The following EPHB1 variants were observed in gnomAD, a reference collection of about 807,000 sequenced individuals.
The protein encoded by EPHB1 is ephrin type-B receptor 1.
In EPHB1, 30 loss-of-function variants were observed where a neutral mutation model predicts 94.4. The ratio of observed to expected loss-of-function variants is 0.32; its 90% CI spans 0.24 to 0.43. The LOEUF (loss-of-function observed/expected upper bound fraction) is 0.43. Ranked by LOEUF, EPHB1 falls within the 20% of genes least tolerant of loss-of-function variation. EPHB1 has a pLI of 1.00. For missense variants in EPHB1, 1,055 were observed against 1,308.3 expected (o/e 0.81, Z 2.99); for synonymous variants, 522 against 489.1 (o/e 1.07, Z -0.89).
At chr3:134,906,517 A>T (rs2038333712) in intron 1 of EPHB1, among the ~76,000 whole-genome samples, 2 of 152,204 alleles carry the variant, frequency 1.3e-5, no homozygotes, top group South Asian at 4.1e-4. Flanking sequence ...AATATCACTG[A>T]TCAAATTCTT....
chr3:135,177,971 A>G (rs576810903), intron 9 of EPHB1, among the ~76,000 whole-genome samples: 11 of 152,262 alleles, frequency 7.2e-5, no homozygotes, highest in African/African-American at 2.4e-4. Flanking sequence ...ATTCTACATA[A>G]AGGTGAGGAT....
chr3:135,191,535 C>G (rs1183814971), intron 10 of EPHB1, among the ~76,000 whole-genome samples: 1 of 152,110 alleles, frequency 6.6e-6, no homozygotes, highest in Non-Finnish European at 1.5e-5. Context: ...GCTGCACTTA[C>G]AAGTAGACAC....
At chr3:135,122,089 T>C (rs1939988887) in intron 4 of EPHB1, among the ~76,000 whole-genome samples, 1 of 152,200 alleles carries the variant, frequency 6.6e-6, no homozygotes, top group Non-Finnish European at 1.5e-5. Flanking sequence ...GTGGCTGTTG[T>C]GCAGGTGCCT....
chr3:134,911,043 AC>A (rs1355447257), intron 1 of EPHB1, among the ~76,000 whole-genome samples: 2 of 152,248 alleles, frequency 1.3e-5, no homozygotes, highest in African/African-American at 4.8e-5. Flanking sequence ...CAGGAATGGG[AC>A]AGACTCAGTG....
At chr3:134,938,238 G>T (rs772988414) in intron 2 of EPHB1, among the ~76,000 whole-genome samples, 75 of 152,210 alleles carry the variant, frequency 4.9e-4, no homozygotes, top group Non-Finnish European at 6.0e-4. Flanking sequence ...ACTCCAGGCA[G>T]GGCCTGGTAC....
intron 12 of EPHB1, among the ~76,000 whole-genome samples, chr3:135,212,824 A>G (rs1943061814): frequency 6.6e-6 from 1 of 151,850 alleles, no homozygotes; most frequent in Non-Finnish European, 1.5e-5. Flanking sequence ...TTTTTCCTGT[A>G]TTTTCTTTTT....
intron 4 of EPHB1, among the ~76,000 whole-genome samples, chr3:135,132,122 A>ATTCTGC (rs112344547): frequency 0.041 from 6,270 of 152,172 alleles, 431 homozygotes; most frequent in African/African-American, 0.14. Flanking sequence ...CTTCCACTCA[A>ATTCTGC]TTCTGCTTCT....
chr3:135,093,374 C>T (rs904215488), intron 3 of EPHB1, among the ~76,000 whole-genome samples: 1 of 152,172 alleles, frequency 6.6e-6, no homozygotes, highest in Non-Finnish European at 1.5e-5. Flanking sequence ...TCTTGCCACA[C>T]CACTCACACT....
At chr3:135,010,088 T>G (rs532679085) in intron 3 of EPHB1, among the ~76,000 whole-genome samples, 31 of 152,294 alleles carry the variant, frequency 2.0e-4, no homozygotes, top group Non-Finnish European at 3.5e-4. Context: ...TTTTTTAAAA[T>G]TAAAAGCAAT....
chr3:134,888,223 G>A (rs2037897603), intron 1 of EPHB1, among the ~76,000 whole-genome samples: 1 of 152,140 alleles, frequency 6.6e-6, no homozygotes, highest in African/African-American at 2.4e-5. Flanking sequence ...TGACTGAGTC[G>A]GACTTGGGGA....
chr3:134,924,143 A>G (rs1035923880), intron 1 of EPHB1, among the ~76,000 whole-genome samples: 7 of 152,182 alleles, frequency 4.6e-5, no homozygotes, highest in African/African-American at 7.2e-5. Flanking sequence ...ATTAACTTGA[A>G]CCATAGACCT....
chr3:134,993,373 G>T (rs754741328), intron 3 of EPHB1, among the ~76,000 whole-genome samples: 22 of 152,182 alleles, frequency 1.4e-4, no homozygotes. Context: ...GGTTATAAAT[G>T]CCCAGCACCA....
intron 1 of EPHB1, among the ~76,000 whole-genome samples, chr3:134,805,652 TA>T (rs1258122821): frequency 6.6e-6 from 1 of 152,156 alleles, no homozygotes; most frequent in East Asian, 1.9e-4. Context: ...GGCATCTCCT[TA>T]ACTTCATCCA....
At chr3:134,955,810 T>C (rs1933248339) in intron 3 of EPHB1, among the ~76,000 whole-genome samples, 1 of 152,222 alleles carries the variant, frequency 6.6e-6, no homozygotes, top group East Asian at 1.9e-4. Context: ...ATCATGCATT[T>C]GTCTTTATAA....
chr3:135,037,620 C>T (rs1576336266), intron 3 of EPHB1, among the ~76,000 whole-genome samples: 2 of 152,298 alleles, frequency 1.3e-5, no homozygotes, highest in Middle Eastern at 3.4e-3. Flanking sequence ...CTCCCCACCG[C>T]CCATCAGTGA....
intron 1 of EPHB1, among the ~76,000 whole-genome samples, chr3:134,883,631 A>C (rs2037805853): frequency 6.6e-6 from 1 of 152,228 alleles, no homozygotes; most frequent in African/African-American, 2.4e-5. Flanking sequence ...GGTTTTAACA[A>C]GTGGCCCTCA....
At chr3:135,052,996 T>G (rs1937226152) in intron 3 of EPHB1, among the ~76,000 whole-genome samples, 1 of 107,650 alleles carries the variant, frequency 9.3e-6, no homozygotes, top group Admixed American at 1.3e-4. Flanking sequence ...TGTGTATATA[T>G]ATGTGTGTGT....
chr3:135,061,393 G>A (rs1937507106), intron 3 of EPHB1, among the ~76,000 whole-genome samples: 1 of 54,904 alleles, frequency 1.8e-5, no homozygotes, highest in African/African-American at 4.7e-5. Context: ...AGTCCCCAAA[G>A]TCCATTGCAT....
chr3:134,965,388 C>G (rs1453502641), intron 3 of EPHB1, among the ~76,000 whole-genome samples: 1 of 152,156 alleles, frequency 6.6e-6, no homozygotes, highest in Non-Finnish European at 1.5e-5. Context: ...GCCTACCTAC[C>G]CTGCCCACTT....
Sources: gnomAD v4.1 joint callset for allele counts (sites outside exome capture counted in the v4.1 genomes callset) on GRCh38, gnomAD v4.1.1 for gene constraint, MANE v1.5 for transcripts, NCBI Gene and HGNC (gene_info 2026-07-23, HGNC 2026-07-21) for gene names.